The following TNFRSF9 variants were observed in gnomAD, a reference collection of about 807,000 sequenced individuals.
The protein encoded by TNFRSF9 is TNF receptor superfamily member 9.
A neutral mutation model predicts 28.8 loss-of-function variants in TNFRSF9; 16 were observed. That is an observed-to-expected ratio of 0.55 (90% CI 0.38 to 0.84). The LOEUF (loss-of-function observed/expected upper bound fraction) is 0.84. TNFRSF9 is among the 40% of genes least tolerant of loss of function. TNFRSF9 has a pLI of 0.00. For missense variants in TNFRSF9, 303 were observed against 315.0 expected (o/e 0.96, Z 0.29); for synonymous variants, 131 against 117.0 (o/e 1.12, Z -0.77).
rs1639481581 is a variant in TNFRSF9 at position 7,916,662 on chromosome 1, A to G, written c.*4173T>C. ...TAGAACTTACAGCATCATGATTCAG[A>G]AAGACAAAAATATTCGCACCTAGCT... On this transcript the variant is annotated 3_prime_UTR_variant, in exon 8 of 8. Coordinates refer to ENST00000377507, the MANE Select transcript of TNFRSF9 (RefSeq NM_001561.6). 1 of 152,176 alleles carries G rather than the reference A, an allele frequency of 6.6e-6. No homozygotes were observed. Among genetic ancestry groups the G allele is most frequent in the Non-Finnish European group, 1.5e-5 (1 of 68,048 alleles). 9.4% of individuals were successfully genotyped at this position (152,176 alleles called of 1,614,324 possible).
chr1:7,921,185 A>T (rs1639552095), intron 7 of TNFRSF9, among the ~76,000 whole-genome samples: 1 of 151,850 alleles, frequency 6.6e-6, no homozygotes, highest in South Asian at 2.1e-4. Flanking sequence ...AAAATACAAA[A>T]ATTAGCCGGG....
chr1:7,920,322 T>C lies in TNFRSF9; in HGVS notation c.*513A>G, dbSNP rs1025431200. On this transcript the variant is annotated 3_prime_UTR_variant, in exon 8 of 8. Coordinates refer to ENST00000377507, the MANE Select transcript of TNFRSF9 (RefSeq NM_001561.6). ...GAAAATGCTTTTTTTTTTTTTTTTTTATCACCAGCTCTGTCCTCATCTGTC... is the reference window on the plus strand; with the variant it reads ...GAAAATGCTTTTTTTTTTTTTTTTTCATCACCAGCTCTGTCCTCATCTGTC... The C allele has an allele frequency of 6.7e-6, 1 of 148,182 alleles. No homozygotes were observed. Among genetic ancestry groups the C allele is most frequent in the Admixed American group, 7.0e-5 (1 of 14,246 alleles). 9.2% of individuals were successfully genotyped at this position (148,182 alleles called of 1,614,324 possible). A position where few individuals can be genotyped will look rare whatever the true frequency, so the allele number is the denominator to read the frequency against.
At chr1:7,936,738 G>A (rs188998427) in intron 5 of TNFRSF9, among the ~76,000 whole-genome samples, 154 of 152,234 alleles carry the variant, frequency 1.0e-3, no homozygotes, top group African/African-American at 2.8e-3. Context: ...AAAATGAAAC[G>A]GAAAAAGAAC....
Position 7,916,968 on chromosome 1 carries a change from C to T in TNFRSF9, c.*3867G>A, listed in dbSNP as rs529863418. 2.6e-5 allele frequency: 4 copies of T among 152,270 alleles called. No homozygotes were observed. Among genetic ancestry groups the T allele is most frequent in the African/African-American group, 7.2e-5 (3 of 41,558 alleles). The allele number at this position is 152,270 out of a possible 1,614,324, so 9.4% of individuals were successfully genotyped here. On this transcript the variant is annotated 3_prime_UTR_variant, in exon 8 of 8. Transcript: ENST00000377507. ...TTCCTGAGACAGAGTTTCGCTCTGT[C>T]ACCCAGGCTGGAGTGCAATGGTACG... is the stretch of plus-strand genomic sequence containing the variant.
chr1:7,938,331 C>T lies in TNFRSF9; in HGVS notation c.209-1G>A. 6.3e-7 allele frequency: 1 copy of T among 1,597,588 alleles called. No homozygotes were observed. The highest frequency in any genetic ancestry group is 8.5e-7 in the Non-Finnish European group (1 of 1,172,060). ...CACTCCTTCCTGGTCCTGAAAACAC[C>T]TACAAAGTCCCCCCAGCCCCCAACA... On this transcript the variant is annotated splice_acceptor_variant, in intron 3 of 7. Coordinates refer to ENST00000377507, the MANE Select transcript of TNFRSF9 (RefSeq NM_001561.6). LOFTEE classifies it high-confidence loss of function.
chr1:7,928,439 G>A (rs924527386), intron 7 of TNFRSF9, among the ~76,000 whole-genome samples: 5 of 152,148 alleles, frequency 3.3e-5, no homozygotes, highest in Admixed American at 6.5e-5. Context: ...CAAGCATATC[G>A]TGGAATACTA....
At chr1:7,931,289 G>C (rs1639727981) in intron 7 of TNFRSF9, among the ~76,000 whole-genome samples, 1 of 152,184 alleles carries the variant, frequency 6.6e-6, no homozygotes, top group South Asian at 2.1e-4. Flanking sequence ...AACCAAGCCA[G>C]AAACACGTGT....
intron 7 of TNFRSF9, among the ~76,000 whole-genome samples, chr1:7,932,049 AT>A (rs973813502): frequency 6.6e-6 from 1 of 152,208 alleles, no homozygotes; most frequent in African/African-American, 2.4e-5. Flanking sequence ...AGGCAGGAGA[AT>A]CGCTTGAACC....
intron 7 of TNFRSF9, among the ~76,000 whole-genome samples, chr1:7,931,247 C>T (rs1405641001): frequency 6.6e-6 from 1 of 152,202 alleles, no homozygotes; most frequent in African/African-American, 2.4e-5. Flanking sequence ...TTCCTTGTAG[C>T]TCAGCAACGT....
At position 7,917,595 on chromosome 1, in the gene TNFRSF9, A is replaced by G. The variant is rs1187094393; in HGVS notation, c.*3240T>C. On this transcript the variant is annotated 3_prime_UTR_variant, in exon 8 of 8. Coordinates refer to ENST00000377507, the MANE Select transcript of TNFRSF9 (RefSeq NM_001561.6). Reference sequence around the variant, plus strand: ...CAAAACTTAAAACTTTTGGAATAAAATGTGGGCAAACCTCTTTATAGTATT... The same window carrying G: ...CAAAACTTAAAACTTTTGGAATAAAGTGTGGGCAAACCTCTTTATAGTATT... 1.3e-5 allele frequency: 2 copies of G among 152,324 alleles called. No individual in the cohort carries two copies. The highest frequency in any genetic ancestry group is 2.1e-4 in the South Asian group (1 of 4,828). The allele number at this position is 152,324 out of a possible 1,614,324, so 9.4% of individuals were successfully genotyped here.
intron 7 of TNFRSF9, among the ~76,000 whole-genome samples, chr1:7,931,133 AG>A (rs1350647218): frequency 2.0e-5 from 3 of 150,984 alleles, no homozygotes; most frequent in African/African-American, 7.3e-5. Flanking sequence ...AAGAGTTATC[AG>A]GGGATGTGGA....
intron 7 of TNFRSF9, among the ~76,000 whole-genome samples, chr1:7,929,039 C>A (rs1639693824): frequency 1.3e-5 from 2 of 152,014 alleles, no homozygotes; most frequent in African/African-American, 4.8e-5. Flanking sequence ...CAACCTTGCA[C>A]CAAGGCTACT....
At chr1:7,925,168 C>T (rs1432701474) in intron 7 of TNFRSF9, among the ~76,000 whole-genome samples, 2 of 151,860 alleles carry the variant, frequency 1.3e-5, no homozygotes. Flanking sequence ...ATTAGCCAGG[C>T]GTGGTGGCAG....
rs771128252 is a variant in TNFRSF9 at position 7,937,805 on chromosome 1, T to C, written c.347-49A>G. 14 of 1,516,604 alleles carry C rather than the reference T, an allele frequency of 9.2e-6. No homozygotes were observed. In the South Asian group the frequency reaches 1.6e-4, roughly 17 times the overall value. The allele number at this position is 1,516,604 out of a possible 1,614,324, so 93.9% of individuals were successfully genotyped here. A position where few individuals can be genotyped will look rare whatever the true frequency, so the allele number is the denominator to read the frequency against. ...AATAAAAGGGAAGCATTTTCATCAT[T>C]TTGTAACTTTTCCTGTGATGAACTT... On this transcript the variant is annotated intron_variant, in intron 4 of 7. Transcript: ENST00000377507.
intron 7 of TNFRSF9, among the ~76,000 whole-genome samples, chr1:7,924,663 C>G (rs797016408): frequency 1.3e-5 from 2 of 151,872 alleles, no homozygotes; most frequent in Non-Finnish European, 2.9e-5. Context: ...AAACAAAAAC[C>G]AGTTAATTGT....
At position 7,937,757 on chromosome 1, in the gene TNFRSF9, C is replaced by A. The variant is rs1302861371; in HGVS notation, c.347-1G>T. The A allele has an allele frequency of 1.2e-6, 2 of 1,609,998 alleles. No individual in the cohort carries two copies. The highest frequency in any genetic ancestry group is 1.7e-6 in the Non-Finnish European group (2 of 1,177,232). ...GTCCCAAAGCAACAGTCTTTACAAC[C>A]TTGTATTAAAAATGAAAGCAATAAT... On this transcript the variant is annotated splice_acceptor_variant, in intron 4 of 7. Coordinates refer to ENST00000377507, the MANE Select transcript of TNFRSF9 (RefSeq NM_001561.6). LOFTEE classifies it high-confidence loss of function.
At chr1:7,925,077 G>A (rs970201206) in intron 7 of TNFRSF9, among the ~76,000 whole-genome samples, 2 of 152,058 alleles carry the variant, frequency 1.3e-5, no homozygotes, top group Non-Finnish European at 1.5e-5. Context: ...ACTTTGGGAG[G>A]CCGAGGTGGG....
At chr1:7,929,506 C>T (rs2453021) in intron 7 of TNFRSF9, among the ~76,000 whole-genome samples, 42,765 of 151,864 alleles carry the variant, frequency 0.28, 7,033 homozygotes, top group Middle Eastern at 0.53. Context: ...ACCTTTACAT[C>T]CCTGAATACA....
At chr1:7,930,170 C>T (rs774036626) in intron 7 of TNFRSF9, among the ~76,000 whole-genome samples, 12 of 151,804 alleles carry the variant, frequency 7.9e-5, no homozygotes, top group Non-Finnish European at 1.6e-4. Context: ...GGGGTTTCAC[C>T]ATGGCCAGGC....
Sources: gnomAD v4.1 joint callset for allele counts (sites outside exome capture counted in the v4.1 genomes callset) on GRCh38, gnomAD v4.1.1 for gene constraint, MANE v1.5 for transcripts, NCBI Gene and HGNC (gene_info 2026-07-23, HGNC 2026-07-21) for gene names.